RIC1: variants seen among roughly 807,000 people sequenced by gnomAD.
RIC1 encodes guanine nucleotide exchange factor subunit RIC1.
In RIC1, 88 loss-of-function variants were observed where a neutral mutation model predicts 169.0. That is an observed-to-expected ratio of 0.52 (90% CI 0.44 to 0.62). RIC1 has a LOEUF of 0.62. Ranked by LOEUF, RIC1 falls within the 20% of genes least tolerant of loss-of-function variation. RIC1 has a pLI of 0.00. For missense variants in RIC1, 1,877 were observed against 1,725.5 expected (o/e 1.09, Z -1.56); for synonymous variants, 790 against 601.5 (o/e 1.31, Z -4.59).
chr9:5,681,054 C>G (rs1463376527), intron 2 of RIC1, among the ~76,000 whole-genome samples: 1 of 151,470 alleles, frequency 6.6e-6, no homozygotes, highest in Non-Finnish European at 1.5e-5. Flanking sequence ...TCTCGATCTC[C>G]TGACCTCGTG....
At chr9:5,640,466 G>A (rs1298817862) in intron 1 of RIC1, among the ~76,000 whole-genome samples, 2 of 152,038 alleles carry the variant, frequency 1.3e-5, no homozygotes, top group African/African-American at 2.4e-5. Flanking sequence ...ATGTCTTACT[G>A]TACTATGTCT....
intron 1 of RIC1, among the ~76,000 whole-genome samples, chr9:5,630,490 G>A (rs528977252): frequency 3.9e-5 from 6 of 152,272 alleles, no homozygotes; most frequent in African/African-American, 1.4e-4. Context: ...AAATCTTTGT[G>A]TGTTGCTGTT....
intron 2 of RIC1, among the ~76,000 whole-genome samples, chr9:5,689,253 A>G (rs758298261): frequency 3.5e-4 from 53 of 151,896 alleles, no homozygotes; most frequent in South Asian, 6.2e-4. Context: ...GGGTTTCACC[A>G]CGTTAGCCAG....
intron 2 of RIC1, among the ~76,000 whole-genome samples, chr9:5,661,017 G>T (rs1312932985): frequency 6.6e-6 from 1 of 152,100 alleles, no homozygotes; most frequent in Non-Finnish European, 1.5e-5. Flanking sequence ...TTCCTTTAGG[G>T]TGTAAGGAAG....
intron 8 of RIC1, among the ~76,000 whole-genome samples, chr9:5,742,322 G>A (rs1825129083): frequency 6.6e-6 from 1 of 152,094 alleles, no homozygotes; most frequent in Admixed American, 6.6e-5. Flanking sequence ...GAAAAATTCA[G>A]GGAACAAGCA....
Position 5,754,732 on chromosome 9 carries a change from A to AAAT in RIC1, c.1603-99_1603-97dup. ...GGTGACAGAGTGAGACTGTCTCAAA[A>AAAT]AATAATAATAATTTGAGCTTTGTCT... On this transcript the variant is annotated intron_variant, in intron 14 of 25. Transcript: ENST00000414202. The AAAT allele has an allele frequency of 4.6e-6, 3 of 646,834 alleles. No individual in the cohort carries two copies. The South Asian group carries it at 9.1e-5, about 20-fold the overall frequency. The allele number at this position is 646,834 out of a possible 1,614,324, so 40.1% of individuals were successfully genotyped here. A position where few individuals can be genotyped will look rare whatever the true frequency, so the allele number is the denominator to read the frequency against.
intron 17 of RIC1, among the ~76,000 whole-genome samples, chr9:5,761,888 A>G (rs527933496): frequency 5.3e-5 from 8 of 152,206 alleles, no homozygotes; most frequent in African/African-American, 9.6e-5. Context: ...AAGGCAGACT[A>G]TTTCCTCATT....
At chr9:5,721,732 T>G (rs1022310210) in intron 6 of RIC1, among the ~76,000 whole-genome samples, 5 of 152,166 alleles carry the variant, frequency 3.3e-5, no homozygotes, top group Non-Finnish European at 5.9e-5. Flanking sequence ...TTACTGCAGA[T>G]TTTTCCTCCT....
intron 2 of RIC1, among the ~76,000 whole-genome samples, chr9:5,689,341 G>A (rs1050247328): frequency 1.4e-4 from 22 of 152,058 alleles, no homozygotes; most frequent in East Asian, 5.8e-4. Flanking sequence ...GTGAGCCACC[G>A]CGCCCGGCCT....
chr9:5,730,864 C>G (rs1315391949), intron 6 of RIC1, among the ~76,000 whole-genome samples: 2 of 152,096 alleles, frequency 1.3e-5, no homozygotes, highest in Non-Finnish European at 1.5e-5. Context: ...TATCTGACCT[C>G]CTGTTACATC....
intron 2 of RIC1, among the ~76,000 whole-genome samples, chr9:5,663,980 C>A (rs1351800184): frequency 6.6e-6 from 1 of 152,132 alleles, no homozygotes; most frequent in South Asian, 2.1e-4. Context: ...CCTTCAGGAG[C>A]TCTTGCAAAG....
At chr9:5,636,427 C>A (rs776072529) in intron 1 of RIC1, among the ~76,000 whole-genome samples, 1 of 152,168 alleles carries the variant, frequency 6.6e-6, no homozygotes, top group Non-Finnish European at 1.5e-5. Flanking sequence ...TCAAGCAATT[C>A]TCCTGCCCCA....
intron 2 of RIC1, among the ~76,000 whole-genome samples, chr9:5,683,884 T>G (rs1397106553): frequency 6.6e-6 from 1 of 152,082 alleles, no homozygotes; most frequent in African/African-American, 2.4e-5. Context: ...CCTTGCAGTT[T>G]GATCTCAGAC....
At chr9:5,681,708 C>A (rs1346605525) in intron 2 of RIC1, among the ~76,000 whole-genome samples, 6 of 152,140 alleles carry the variant, frequency 3.9e-5, no homozygotes, top group African/African-American at 1.4e-4. Flanking sequence ...TGTTAACTTT[C>A]TGTCTCTTTG....
chr9:5,726,033 A>T (rs1419929224), intron 6 of RIC1, among the ~76,000 whole-genome samples: 2 of 152,146 alleles, frequency 1.3e-5, no homozygotes, highest in Admixed American at 6.6e-5. Context: ...TATTCTGTTG[A>T]TTTGGGGTGG....
rs573813506 is a variant in RIC1 at position 5,694,782 on chromosome 9, T to G, written c.332+4744T>G. On this transcript the variant is annotated intron_variant, in intron 3 of 25. Coordinates refer to ENST00000414202, the MANE Select transcript of RIC1 (RefSeq NM_020829.4). ...GTGATAATATAAACGATAAGCAGTTTTGGTTTTTGGTGGCTTTTTTTTTTT... is the reference window on the plus strand; with the variant it reads ...GTGATAATATAAACGATAAGCAGTTGTGGTTTTTGGTGGCTTTTTTTTTTT... 7.1e-4 allele frequency among the ~76,000 whole-genome samples: 87 copies of G among 121,778 alleles called. No homozygotes were observed. The Middle Eastern group carries it at 0.016, about 23-fold the overall frequency. The allele number at this position is 121,778 out of a possible 152,430, so 79.9% of individuals were successfully genotyped here. A position where few individuals can be genotyped will look rare whatever the true frequency, so the allele number is the denominator to read the frequency against.
intron 1 of RIC1, among the ~76,000 whole-genome samples, chr9:5,636,080 G>T (rs34232374): frequency 6.6e-6 from 1 of 152,004 alleles, no homozygotes; most frequent in African/African-American, 2.4e-5. Flanking sequence ...TTGTTTTTCT[G>T]TTTATGTGAA....
chr9:5,743,963 G>T (rs1187515494), intron 10 of RIC1, among the ~76,000 whole-genome samples: 1 of 152,012 alleles, frequency 6.6e-6, no homozygotes, highest in East Asian at 1.9e-4. Flanking sequence ...TCCACACACG[G>T]TTAATTTTTT....
chr9:5,750,470 C>T (rs1441525141), intron 12 of RIC1, among the ~76,000 whole-genome samples: 2 of 151,876 alleles, frequency 1.3e-5, no homozygotes, highest in East Asian at 3.8e-4. Flanking sequence ...AAATTATTTA[C>T]TGTCTTCCTA....
Sources: gnomAD v4.1 joint callset for allele counts (sites outside exome capture counted in the v4.1 genomes callset) on GRCh38, gnomAD v4.1.1 for gene constraint, MANE v1.5 for transcripts, NCBI Gene and HGNC (gene_info 2026-07-23, HGNC 2026-07-21) for gene names.